The following AKAIN1 variants were observed in gnomAD, a reference collection of about 807,000 sequenced individuals.
The protein encoded by AKAIN1 is A-kinase anchor protein inhibitor 1.
A neutral mutation model predicts 3.7 loss-of-function variants in AKAIN1; 3 were observed. The ratio of observed to expected loss-of-function variants is 0.82; its 90% CI spans 0.37 to 2.12. The LOEUF is 2.12. Ranked by LOEUF, AKAIN1 falls within the 30% of genes most tolerant of loss-of-function variation. The probability of loss-of-function intolerance (pLI) is 0.06; values close to 1 mark genes in which losing one functional copy is unlikely to be tolerated. For synonymous variants in AKAIN1, 31 were observed against 30.8 expected (o/e 1.01, Z -0.02); for missense variants, 82 against 82.7 (o/e 0.99, Z 0.03).
intron 1 of AKAIN1, among the ~76,000 whole-genome samples, chr18:5,159,666 A>G (rs544880940): frequency 6.6e-6 from 1 of 152,236 alleles, no homozygotes; most frequent in Non-Finnish European, 1.5e-5. Context: ...TAACAGCTGC[A>G]TTTTTTCAAT....
intron 1 of AKAIN1, among the ~76,000 whole-genome samples, chr18:5,166,526 C>A (rs940979418): frequency 2.6e-5 from 4 of 152,082 alleles, no homozygotes; most frequent in Admixed American, 2.6e-4. Flanking sequence ...ATTCTCAGAG[C>A]CACCATACTT....
intron 1 of AKAIN1, among the ~76,000 whole-genome samples, chr18:5,154,686 C>T (rs532509446): frequency 4.9e-4 from 74 of 152,178 alleles, no homozygotes; most frequent in African/African-American, 1.7e-3. Context: ...TCTCCTCCCT[C>T]GCCAACCCCT....
upstream of AKAIN1, chr18:5,197,278 AG>A (rs1218615661): frequency 7.3e-7 from 1 of 1,371,678 alleles, no homozygotes; most frequent in Non-Finnish European, 9.3e-7. This position sits in a 1 kb window ranked among gnomAD's most constrained non-coding sequence, Gnocchi z 6.9. Flanking sequence ...CGGCGGCGGG[AG>A]GAGGAGGGTG....
At chr18:5,186,455 C>G (rs1337537415) in intron 1 of AKAIN1, among the ~76,000 whole-genome samples, 1 of 152,046 alleles carries the variant, frequency 6.6e-6, no homozygotes, top group African/African-American at 2.4e-5. Context: ...GAGGGACACT[C>G]TCTAACAATA....
At chr18:5,182,027 G>A (rs928574676) in intron 1 of AKAIN1, among the ~76,000 whole-genome samples, 2 of 151,942 alleles carry the variant, frequency 1.3e-5, no homozygotes, top group African/African-American at 2.4e-5. Context: ...AAATATAGAC[G>A]AGATCAGAAT....
At chr18:5,165,373 G>A (rs1192210156) in intron 1 of AKAIN1, among the ~76,000 whole-genome samples, 1 of 151,960 alleles carries the variant, frequency 6.6e-6, no homozygotes, top group African/African-American at 2.4e-5. Context: ...AGGAGACAAT[G>A]AGTAAGGTGT....
intron 1 of AKAIN1, among the ~76,000 whole-genome samples, chr18:5,168,146 T>G (rs932496464): frequency 6.6e-6 from 1 of 152,138 alleles, no homozygotes; most frequent in Non-Finnish European, 1.5e-5. Flanking sequence ...GGGGTAACAA[T>G]GTGTGCTTTA....
intron 1 of AKAIN1, among the ~76,000 whole-genome samples, chr18:5,191,420 C>T (rs1470051094): frequency 6.6e-6 from 1 of 152,086 alleles, no homozygotes; most frequent in Non-Finnish European, 1.5e-5. Flanking sequence ...CCAAAAGATA[C>T]ATTTAGGTAT....
intron 1 of AKAIN1, among the ~76,000 whole-genome samples, chr18:5,194,332 A>G (rs1339149897): frequency 6.6e-6 from 1 of 152,204 alleles, no homozygotes; most frequent in Non-Finnish European, 1.5e-5. Flanking sequence ...AGGAAAAAAT[A>G]GAATTGAACT....
At chr18:5,162,912 T>C (rs1334440923) in intron 1 of AKAIN1, among the ~76,000 whole-genome samples, 1 of 151,506 alleles carries the variant, frequency 6.6e-6, no homozygotes, top group African/African-American at 2.4e-5. Context: ...TTTGTGACTC[T>C]CAAAATCTAG....
At chr18:5,163,116 C>T (rs969284757) in intron 1 of AKAIN1, among the ~76,000 whole-genome samples, 8 of 151,908 alleles carry the variant, frequency 5.3e-5, no homozygotes, top group African/African-American at 1.9e-4. Flanking sequence ...ACCCACAGAC[C>T]GTGAGGAAAT....
chr18:5,153,696 A>G (rs1419798701), intron 1 of AKAIN1, among the ~76,000 whole-genome samples: 1 of 152,266 alleles, frequency 6.6e-6, no homozygotes, highest in Non-Finnish European at 1.5e-5. Flanking sequence ...TTTTCAAGAC[A>G]GTGAAACAAC....
intron 1 of AKAIN1, among the ~76,000 whole-genome samples, chr18:5,156,784 T>C (rs1179826862): frequency 6.6e-6 from 1 of 152,222 alleles, no homozygotes; most frequent in Non-Finnish European, 1.5e-5. Context: ...CCTGGGGGTC[T>C]TTCTTGCTCT....
intron 1 of AKAIN1, among the ~76,000 whole-genome samples, chr18:5,168,834 G>T (rs1378204713): frequency 6.6e-6 from 1 of 150,398 alleles, no homozygotes; most frequent in African/African-American, 2.4e-5. Context: ...TAATAAACAG[G>T]TGCTTGTTTC....
intron 1 of AKAIN1, 54 bp from the exon 2 acceptor site, chr18:5,145,809 G>A: frequency 1.4e-6 from 2 of 1,444,386 alleles, no homozygotes; most frequent in Non-Finnish European, 1.9e-6. Flanking sequence ...TTTCAGGAAT[G>A]TGAGAGGGAA....
At chr18:5,148,097 G>C (rs995723448) in intron 1 of AKAIN1, among the ~76,000 whole-genome samples, 3 of 152,214 alleles carry the variant, frequency 2.0e-5, no homozygotes, top group African/African-American at 7.2e-5. Context: ...TCAGCAGTCA[G>C]TGTGGTCCCT....
chr18:5,168,031 A>G (rs2071176416), intron 1 of AKAIN1, among the ~76,000 whole-genome samples: 1 of 151,950 alleles, frequency 6.6e-6, no homozygotes, highest in African/African-American at 2.4e-5. Flanking sequence ...AGAAACCACC[A>G]TTTCCTTTCC....
intron 1 of AKAIN1, among the ~76,000 whole-genome samples, chr18:5,151,199 T>C (rs543421830): frequency 6.6e-6 from 1 of 152,328 alleles, no homozygotes; most frequent in Non-Finnish European, 1.5e-5. Flanking sequence ...TCTCCCCTTC[T>C]GATGGCTTGA....
At chr18:5,161,359 A>G (rs2071138466) in intron 1 of AKAIN1, among the ~76,000 whole-genome samples, 1 of 152,122 alleles carries the variant, frequency 6.6e-6, no homozygotes, top group African/African-American at 2.4e-5. Flanking sequence ...ATAGAAATGA[A>G]ATAAATCTGT....
Sources: gnomAD v4.1 joint callset for allele counts (sites outside exome capture counted in the v4.1 genomes callset) on GRCh38, gnomAD v4.1.1 for gene constraint, Gnocchi (gnomAD v3.1) non-coding constraint, MANE v1.5 for transcripts, NCBI Gene and HGNC (gene_info 2026-07-23, HGNC 2026-07-21) for gene names.